The following C11orf24 variants were observed in gnomAD, a reference collection of about 807,000 sequenced individuals.
C11orf24 encodes uncharacterized protein C11orf24.
A neutral mutation model predicts 7.3 loss-of-function variants in C11orf24; 5 were observed. That is an observed-to-expected ratio of 0.69 (90% CI 0.36 to 1.45). The LOEUF (loss-of-function observed/expected upper bound fraction) is 1.45. Ranked by LOEUF, C11orf24 falls within the 40% of genes most tolerant of loss-of-function variation. The pLI, the probability that C11orf24 is intolerant of heterozygous loss-of-function variation, is 0.03. For missense variants in C11orf24, 566 were observed against 590.5 expected (o/e 0.96, Z 0.43); for synonymous variants, 233 against 235.7 (o/e 0.99, Z 0.11).
chr11:68,266,354 C>A (rs1177530560), intron 2 of C11orf24, among the ~76,000 whole-genome samples: 1 of 152,174 alleles, frequency 6.6e-6, no homozygotes, highest in African/African-American at 2.4e-5. Context: ...CTCCTGTAAT[C>A]CATGTGGACT....
intron 3 of C11orf24, chr11:68,263,208 A>C: frequency 8.4e-6 from 4 of 474,558 alleles, no homozygotes; most frequent in Admixed American, 3.7e-5. Flanking sequence ...TTCCCAAAAC[A>C]TCAGAGTAAA....
In C11orf24 at chr11:68,262,304, G is replaced by A; in HGVS notation, c.691C>T (p.Pro231Ser). The change falls in exon 4 of 4, where the codon CCA becomes TCA. Residue 231 changes from proline to serine, a missense_variant. Pro to Ser is a moderately conservative substitution (Grantham distance 74). Transcript: ENST00000304271. ...ANTSSPMSTR[P>S]SPSKHMPSDT... is the part of the protein sequence containing the mutation. The stretch of plus-strand genomic sequence containing the variant: ...CTGGGCATGTGCTTGGAAGGACTTG[G>A]ACGAGTGCTCATGGGGCTGCTTGTG... The A allele has an allele frequency of 6.2e-7, 1 of 1,613,788 alleles. No homozygotes were observed.
chr11:68,264,662 CATAT>C (rs2153103722), intron 2 of C11orf24, among the ~76,000 whole-genome samples: 10 of 5,146 alleles, frequency 1.9e-3, no homozygotes, highest in Non-Finnish European at 2.6e-3. Flanking sequence ...ATCCACCCAC[CATAT>C]CCTATCCATC....
At position 68,262,118 on chromosome 11, in the gene C11orf24, T is replaced by C. The variant is rs1391085929; in HGVS notation, c.877A>G (p.Thr293Ala). Residue 293 changes from threonine (T) to alanine (A), a missense_variant, in exon 4 of 4, where the codon ACC becomes GCC. Coordinates refer to ENST00000304271, the MANE Select transcript of C11orf24 (RefSeq NM_022338.4). ...GGCTCCCTGGCTTGTGCCTTGGTGG[T>C]GGTCACCACTGTGGGGGTGGGGGCG... ...EPAPTPTVVT[T>A]TKAQAREPTA... is the part of the protein sequence containing the mutation. 1 of 1,609,800 alleles carries C rather than the reference T, an allele frequency of 6.2e-7. No individual in the cohort carries two copies. The highest frequency in any genetic ancestry group is 8.5e-7 in the Non-Finnish European group (1 of 1,178,470).
chr11:68,264,562 T>C (rs2098563809), intron 2 of C11orf24, among the ~76,000 whole-genome samples: 1 of 2,644 alleles, frequency 3.8e-4, no homozygotes, highest in African/African-American at 1.5e-3. Flanking sequence ...ATCCACCCAC[T>C]ATTCTATCCA....
intron 3 of C11orf24, 93 bp downstream of exon 3, chr11:68,263,599 T>G (rs2098563082): frequency 8.2e-7 from 1 of 1,220,466 alleles, no homozygotes; most frequent in Admixed American, 1.9e-5. Flanking sequence ...TCCTGACGCG[T>G]TGGCCTGGGT....
chr11:68,268,859 C>A (rs2098566525), intron 1 of C11orf24, among the ~76,000 whole-genome samples: 2 of 152,044 alleles, frequency 1.3e-5, no homozygotes. Flanking sequence ...AAGTATGGCC[C>A]CATTCATATA....
At position 68,262,294 on chromosome 11, in the gene C11orf24, G is replaced by C; in HGVS notation, c.701C>G (p.Ser234Cys). Residue 234 changes from serine (S) to cysteine (C), a missense_variant, in exon 4 of 4, where the codon TCC becomes TGC. Ser to Cys is a moderately radical substitution (Grantham distance 112). Coordinates refer to ENST00000304271, the MANE Select transcript of C11orf24 (RefSeq NM_022338.4). Reference sequence around the variant, plus strand: ...CGCGGTGTCACTGGGCATGTGCTTGGAAGGACTTGGACGAGTGCTCATGGG... The same window carrying C: ...CGCGGTGTCACTGGGCATGTGCTTGCAAGGACTTGGACGAGTGCTCATGGG... ...SSPMSTRPSP[S>C]KHMPSDTAAS... The C allele has an allele frequency of 6.2e-7, 1 of 1,613,518 alleles. No homozygotes were observed. The highest frequency in any genetic ancestry group is 8.5e-7 in the Non-Finnish European group (1 of 1,179,494).
At position 68,262,481 on chromosome 11, in the gene C11orf24, T is replaced by C; in HGVS notation, c.514A>G (p.Thr172Ala). The change falls in exon 4 of 4, where the codon ACT becomes GCT. Residue 172 changes from threonine to alanine, a missense_variant. Thr to Ala is a moderately conservative substitution (Grantham distance 58, BLOSUM62 0). Coordinates refer to ENST00000304271, the MANE Select transcript of C11orf24 (RefSeq NM_022338.4). ...GTGGACGGGGTCCGCCCTGTGGAAG[T>C]GGACGTGGGCGCGGGGAGTGCAAGT... is the stretch of plus-strand genomic sequence containing the variant. Reference protein sequence around the residue: ...MTLALPAPTSTSTGRTPSTTA... With the variant: ...MTLALPAPTSASTGRTPSTTA... 1.2e-6 allele frequency: 2 copies of C among 1,614,032 alleles called. No individual in the cohort carries two copies. Among genetic ancestry groups the C allele is most frequent in the Non-Finnish European group, 8.5e-7 (1 of 1,179,988 alleles).
In C11orf24 at chr11:68,271,969, G is replaced by A. The variant is rs1320037797; in HGVS notation, c.-410C>T. The A allele has an allele frequency of 1.3e-5, 2 of 152,146 alleles. No individual in the cohort carries two copies. Among genetic ancestry groups the A allele is most frequent in the African/African-American group, 4.8e-5 (2 of 41,434 alleles). 9.4% of individuals were successfully genotyped at this position (152,146 alleles called of 1,614,324 possible). A position where few individuals can be genotyped will look rare whatever the true frequency, so the allele number is the denominator to read the frequency against. On this transcript the variant is annotated 5_prime_UTR_variant, in exon 1 of 4. Transcript: ENST00000304271. ...CAACCCAGGCAGCTCCGGGCAGCGC[G>A]CCCTGCCCGGGCCCCGCCCAAACGC...
rs981965783 is a variant in C11orf24, at chr11:68,261,736, A to C, written c.1259T>G (p.Phe420Cys). 6.2e-7 allele frequency: 1 copy of C among 1,614,108 alleles called. No individual in the cohort carries two copies. The highest frequency in any genetic ancestry group is 1.3e-5 in the African/African-American group (1 of 74,954). The change falls in exon 4 of 4, where the codon TTT (phenylalanine) becomes TGT (cysteine). Residue 420 changes from phenylalanine to cysteine, a missense_variant. Transcript: ENST00000304271. ...GTAGCTCTCATAGGCCTGCAGGGCAAACAAAACCAAGACTGTGATGAAAAG... is the reference window on the plus strand; with the variant it reads ...GTAGCTCTCATAGGCCTGCAGGGCACACAAAACCAAGACTGTGATGAAAAG... ...VTLFITVLVL[F>C]ALQAYESYKK...
intron 1 of C11orf24, among the ~76,000 whole-genome samples, chr11:68,269,697 G>A (rs1436020542): frequency 6.6e-6 from 1 of 152,190 alleles, no homozygotes; most frequent in Non-Finnish European, 1.5e-5. Flanking sequence ...CACGGAGCAG[G>A]TCCACAAGGC....
chr11:68,263,012 G>C, intron 3 of C11orf24, 94 bp from the exon 4 acceptor site: 2 of 1,188,476 alleles, frequency 1.7e-6, no homozygotes, highest in East Asian at 2.5e-5. Context: ...AGGCCTGTGG[G>C]GCCCCCTCCT....
Position 68,261,672 on chromosome 11 carries a change from G to C in C11orf24, c.1323C>G (p.Asn441Lys). 9 of 1,611,164 alleles carry C rather than the reference G, an allele frequency of 5.6e-6. No individual in the cohort carries two copies. Among genetic ancestry groups the C allele is most frequent in the Non-Finnish European group, 6.8e-6 (8 of 1,177,484 alleles). Residue 441 changes from asparagine (N) to lysine (K), a missense_variant, in exon 4 of 4, where the codon AAC (asparagine) becomes AAG (lysine). Asn to Lys is a moderately conservative substitution (Grantham distance 94). Transcript: ENST00000304271. ...ACATTTCTGAGTCCGCATACATCCC[G>C]TTGATTAAGTAGTCCACCTGGGTGT... ...KDYTQVDYLI[N>K]GMYADSEM
chr11:68,265,160 C>T (rs990220869), intron 2 of C11orf24, among the ~76,000 whole-genome samples: 2 of 152,086 alleles, frequency 1.3e-5, no homozygotes, highest in Non-Finnish European at 2.9e-5. Flanking sequence ...GGGTCAGAGG[C>T]AAGGAAGAGC....
intron 2 of C11orf24, chr11:68,267,588 C>T (rs1217911422): frequency 6.6e-6 from 1 of 152,406 alleles, no homozygotes; most frequent in Non-Finnish European, 1.5e-5. Flanking sequence ...TGCAATGACT[C>T]ATGCATGTAA....
In C11orf24 at chr11:68,262,557, A is replaced by G. The variant is rs1313646335; in HGVS notation, c.438T>C (p.Ala146=). Residue 146 remains alanine (A), a synonymous_variant, in exon 4 of 4, where the codon GCT becomes GCC. Transcript: ENST00000304271. ...AASSTTVASI[A]PTTAASSMTA... is the part of the protein sequence containing the mutation. Reference sequence around the variant, plus strand: ...TCATACTGGAGGCTGCAGTCGTGGGAGCAATGGAGGCCACAGTTGTACTGG... The same window carrying G: ...TCATACTGGAGGCTGCAGTCGTGGGGGCAATGGAGGCCACAGTTGTACTGG... 3 of 1,609,624 alleles carry G rather than the reference A, an allele frequency of 1.9e-6. No homozygotes were observed. Among genetic ancestry groups the G allele is most frequent in the South Asian group, 1.1e-5 (1 of 90,852 alleles).
Position 68,262,029 on chromosome 11 carries a change from G to C in C11orf24, c.966C>G (p.Pro322=), listed in dbSNP as rs1288334739. 6.2e-7 allele frequency: 1 copy of C among 1,614,042 alleles called. No individual in the cohort carries two copies. Among genetic ancestry groups the C allele is most frequent in the Non-Finnish European group, 8.5e-7 (1 of 1,180,022 alleles). ...SPIPEMEAMS[P]TTQPSPMPYT... The stretch of plus-strand genomic sequence containing the variant: ...ATGGCATGGGGCTTGGCTGTGTCGT[G>C]GGGGACATGGCCTCCATCTCAGGGA... Residue 322 remains proline, a synonymous_variant, in exon 4 of 4, where the codon CCC becomes CCG. Transcript: ENST00000304271.
In C11orf24 at chr11:68,263,685, CACTT is replaced by C; in HGVS notation, c.76+3_76+6del. The C allele has an allele frequency of 1.2e-6, 2 of 1,613,084 alleles. No homozygotes were observed. The highest frequency in any genetic ancestry group is 2.2e-5 in the South Asian group (2 of 91,018). On this transcript the variant is annotated splice_donor_5th_base_variant and intron_variant, in intron 3 of 3. Coordinates refer to ENST00000304271, the MANE Select transcript of C11orf24 (RefSeq NM_022338.4). Reference sequence around the variant, plus strand: ...CCATCCAGCAGTCACACAGCTTTCTCACTTACGTGGATCGTTGGATGCCGCATGG... The same window carrying C: ...CCATCCAGCAGTCACACAGCTTTCTCACGTGGATCGTTGGATGCCGCATGG...
Sources: gnomAD v4.1 joint callset for allele counts (sites outside exome capture counted in the v4.1 genomes callset) on GRCh38, gnomAD v4.1.1 for gene constraint, MANE v1.5 for transcripts, NCBI Gene and HGNC (gene_info 2026-07-23, HGNC 2026-07-21) for gene names.